Variants in ANXA8 observed in about 807,000 individuals in gnomAD.
The protein encoded by ANXA8 is VAC-beta.
ANXA8 carries 9 observed loss-of-function variants against 26.8 expected under a neutral mutation model. The observed-to-expected ratio is 0.34, with a 90% CI of 0.20 to 0.59. The LOEUF (loss-of-function observed/expected upper bound fraction) is 0.59. ANXA8 is among the 20% of genes least tolerant of loss of function. ANXA8 has a pLI of 0.84. For synonymous variants in ANXA8, 39 were observed against 94.8 expected, an observed-to-expected ratio of 0.41 and a Z score of 3.42; for missense variants, 83 against 238.5, an observed-to-expected ratio of 0.35 and a Z score of 4.29.
chr10:47,767,702 G>C, the ANXA8 span, among the ~76,000 whole-genome samples: 29,067 of 148,882 alleles, frequency 0.2, 3,319 homozygotes, highest in East Asian at 0.45. Context: ...TCCCTGTGAC[G>C]CCACCCCCTG....
the ANXA8 span, among the ~76,000 whole-genome samples, chr10:47,743,263 T>C: frequency 0.094 from 10,731 of 113,892 alleles, 137 homozygotes; most frequent in African/African-American, 0.14. Context: ...TATATATATA[T>C]ACATATATAT....
upstream of ANXA8, among the ~76,000 whole-genome samples, chr10:47,488,712 A>AATT (rs1840089221): frequency 3.1e-5 from 3 of 95,954 alleles, no homozygotes; most frequent in African/African-American, 4.1e-5. Flanking sequence ...TTACATGTTA[A>AATT]ATTTTTTTTT....
At chr10:47,676,817 C>T in the ANXA8 span, among the ~76,000 whole-genome samples, 1 of 147,384 alleles carries the variant, frequency 6.8e-6, no homozygotes, top group Non-Finnish European at 1.5e-5. Context: ...ACTCGGGAGG[C>T]TGAGGCAGGA....
At chr10:47,980,406 A>G in the ANXA8 span, among the ~76,000 whole-genome samples, 1 of 151,516 alleles carries the variant, frequency 6.6e-6, no homozygotes, top group Admixed American at 6.6e-5. Context: ...CAGAAAGAAG[A>G]AAATAATAAA....
At chr10:47,683,804 C>A in the ANXA8 span, among the ~76,000 whole-genome samples, 2 of 150,826 alleles carry the variant, frequency 1.3e-5, no homozygotes, top group Non-Finnish European at 3.0e-5. Context: ...TGCTATTGAG[C>A]AACTTTATGA....
the ANXA8 span, among the ~76,000 whole-genome samples, chr10:47,499,115 TAAAAA>T: frequency 1.5e-5 from 2 of 136,470 alleles, no homozygotes; most frequent in African/African-American, 3.0e-5. Flanking sequence ...AAATAAAAAA[TAAAAA>T]ATAATTTTTT....
the ANXA8 span, among the ~76,000 whole-genome samples, chr10:47,988,855 T>A: frequency 6.6e-6 from 1 of 151,758 alleles, no homozygotes; most frequent in African/African-American, 2.4e-5. Context: ...CAAAAATATT[T>A]GTTGAAAGCC....
chr10:47,657,924 C>T, the ANXA8 span, among the ~76,000 whole-genome samples: 1 of 151,740 alleles, frequency 6.6e-6, no homozygotes, highest in Admixed American at 6.6e-5. Flanking sequence ...GTGCTGACTT[C>T]TCCTGTTCTT....
At chr10:47,579,558 G>GT in the ANXA8 span, among the ~76,000 whole-genome samples, 8 of 60,252 alleles carry the variant, frequency 1.3e-4, no homozygotes, top group South Asian at 1.5e-3. Flanking sequence ...GCCCGGTCAA[G>GT]TAACTTTTCT....
chr10:47,644,950 G>C, the ANXA8 span, among the ~76,000 whole-genome samples: 2 of 151,560 alleles, frequency 1.3e-5, no homozygotes, highest in Non-Finnish European at 2.9e-5. Flanking sequence ...AATCCATATT[G>C]CTCCTTCTTG....
chr10:47,651,696 A>G, the ANXA8 span, among the ~76,000 whole-genome samples: 22 of 151,026 alleles, frequency 1.5e-4, no homozygotes, highest in African/African-American at 4.9e-4. Flanking sequence ...GAAGTTTAAG[A>G]CCAGCCTGAC....
chr10:47,657,543 A>G, the ANXA8 span, among the ~76,000 whole-genome samples: 1 of 151,688 alleles, frequency 6.6e-6, no homozygotes, highest in African/African-American at 2.4e-5. Context: ...TTCTTCCTCT[A>G]AAAAGATGAG....
At chr10:47,701,872 G>A in the ANXA8 span, among the ~76,000 whole-genome samples, 1 of 151,694 alleles carries the variant, frequency 6.6e-6, no homozygotes, top group Admixed American at 6.6e-5. Context: ...TAACTACACA[G>A]AAGGGGGTGG....
chr10:47,475,032 G>A, intron 6 of ANXA8, 28 bp from the exon 7 acceptor site: 1 of 1,533,848 alleles, frequency 6.5e-7, no homozygotes, highest in South Asian at 1.2e-5. Context: ...GGCTCTGTAA[G>A]GCAGGCCAGC....
chr10:47,648,568 C>G, the ANXA8 span, among the ~76,000 whole-genome samples: 1 of 137,128 alleles, frequency 7.3e-6, no homozygotes, highest in South Asian at 2.2e-4. Context: ...TCAACCTGCC[C>G]AAAATAAAGA....
chr10:47,743,307 TATATAC>T, the ANXA8 span, among the ~76,000 whole-genome samples: 9 of 29,568 alleles, frequency 3.0e-4, no homozygotes, highest in Non-Finnish European at 7.1e-4. Flanking sequence ...CATATATATA[TATATAC>T]ACATATATAT....
the ANXA8 span, among the ~76,000 whole-genome samples, chr10:47,618,872 G>C: frequency 1.8e-5 from 2 of 114,174 alleles, 1 homozygote; most frequent in Non-Finnish European, 3.9e-5. Flanking sequence ...GTGGCCTTAG[G>C]TATCTTACTC....
the ANXA8 span, among the ~76,000 whole-genome samples, chr10:47,552,133 T>G: frequency 6.6e-6 from 1 of 151,778 alleles, no homozygotes; most frequent in Non-Finnish European, 1.5e-5. Flanking sequence ...ATGCTATAAA[T>G]TAGATGAGTT....
the ANXA8 span, among the ~76,000 whole-genome samples, chr10:47,733,165 C>CTTT: frequency 2.0e-5 from 2 of 99,718 alleles, no homozygotes; most frequent in South Asian, 8.4e-4. Flanking sequence ...TTCTTTCTTT[C>CTTT]TTTCTTTCTT....
Sources: allele counts gnomAD v4.1 joint callset (sites outside exome capture counted in the v4.1 genomes callset), GRCh38; gene constraint gnomAD v4.1.1; transcripts MANE v1.5; gene names NCBI Gene and HGNC (gene_info 2026-07-23, HGNC 2026-07-21).